FUT8: variants seen among roughly 807,000 people sequenced by gnomAD.
The protein encoded by FUT8 is alpha-(1,6)-fucosyltransferase.
Under a neutral mutation model 71.3 loss-of-function variants are expected in FUT8, and 29 were observed. The ratio of observed to expected loss-of-function variants is 0.41; its 90% confidence interval spans 0.30 to 0.55. The LOEUF (loss-of-function observed/expected upper bound fraction) is 0.55, where lower values mean the gene tolerates loss of function less well. Ranked by LOEUF, FUT8 falls within the 20% of genes least tolerant of loss-of-function variation. The pLI, the probability that FUT8 is intolerant of heterozygous loss-of-function variation, is 0.34. For missense variants in FUT8, 544 were observed against 702.1 expected (o/e 0.77, Z 2.55); for synonymous variants, 254 against 239.3 (o/e 1.06, Z -0.57).
the FUT8 span, among the ~76,000 whole-genome samples, chr14:65,384,257 T>A: frequency 2.0e-5 from 3 of 152,138 alleles, no homozygotes; most frequent in African/African-American, 4.8e-5. This position sits in a 1 kb window ranked among gnomAD's most constrained non-coding sequence, Gnocchi z 4.2. Flanking sequence ...AAAGGAAATT[T>A]ATTAATTTTG....
In FUT8 at chr14:65,516,050, A is replaced by G. The variant is rs536437542; in HGVS notation, c.-227-45287A>G. Among the ~76,000 whole-genome samples the G allele has an allele frequency of 9.9e-5, 15 of 152,212 alleles. No individual in the cohort carries two copies. In the East Asian group the frequency reaches 2.1e-3, roughly 22 times the overall value. ...GTGGTAATGTGTGCCTGTAGTCCCA[A>G]CTACTCTGGAGGCTGAGGTGGGAGG... is the stretch of plus-strand genomic sequence containing the variant. On this transcript the variant is annotated intron_variant, in intron 2 of 10. Transcript: ENST00000673929.
intron 3 of FUT8, among the ~76,000 whole-genome samples, chr14:65,606,135 C>T (rs1888575169): frequency 6.8e-6 from 1 of 146,014 alleles, no homozygotes; most frequent in African/African-American, 2.5e-5. Context: ...TGCAGTGGTG[C>T]GATCTCAGCT....
At chr14:65,485,804 CCT>C (rs1322018686) in intron 2 of FUT8, among the ~76,000 whole-genome samples, 4 of 152,206 alleles carry the variant, frequency 2.6e-5, no homozygotes, top group African/African-American at 9.7e-5. Context: ...TATCCACGCA[CCT>C]AGCTCCCCTT....
intron 1 of FUT8, among the ~76,000 whole-genome samples, chr14:65,454,400 G>A (rs1479954620): frequency 6.6e-6 from 1 of 152,204 alleles, no homozygotes; most frequent in East Asian, 1.9e-4. Flanking sequence ...GCTGAGGCAC[G>A]AGGATTACTT....
intron 8 of FUT8, among the ~76,000 whole-genome samples, chr14:65,722,659 A>G (rs190690144): frequency 7.2e-5 from 11 of 152,318 alleles, no homozygotes; most frequent in African/African-American, 1.7e-4. Flanking sequence ...CTTCATCTCT[A>G]TAGAGCCCAC....
chr14:65,395,557 G>A, the FUT8 span, among the ~76,000 whole-genome samples: 27 of 152,370 alleles, frequency 1.8e-4, no homozygotes, highest in African/African-American at 6.0e-4. Flanking sequence ...GCCATGGCCC[G>A]AGCCATACCT....
chr14:65,398,878 G>A, the FUT8 span, among the ~76,000 whole-genome samples: 7 of 152,170 alleles, frequency 4.6e-5, no homozygotes, highest in African/African-American at 1.7e-4. Flanking sequence ...AGTTCTTTTG[G>A]TGAGCAAAGT....
At chr14:65,644,844 C>G (rs1394570169) in intron 6 of FUT8, among the ~76,000 whole-genome samples, 1 of 152,062 alleles carries the variant, frequency 6.6e-6, no homozygotes, top group Admixed American at 6.6e-5. Flanking sequence ...ACATGGATAA[C>G]TCATATGTGA....
chr14:65,440,980 G>A (rs1478493918), intron 1 of FUT8, among the ~76,000 whole-genome samples: 1 of 152,008 alleles, frequency 6.6e-6, no homozygotes, highest in East Asian at 1.9e-4. Flanking sequence ...ATTCAAGCTA[G>A]CAAAACTAGA....
chr14:65,692,036 A>T (rs1893634272), intron 7 of FUT8, among the ~76,000 whole-genome samples: 1 of 151,898 alleles, frequency 6.6e-6, no homozygotes, highest in South Asian at 2.1e-4. Flanking sequence ...CCGATTTCTC[A>T]ATCTTTTCCC....
At chr14:65,361,521 C>T in the FUT8 span, among the ~76,000 whole-genome samples, 4 of 151,046 alleles carry the variant, frequency 2.6e-5, no homozygotes. Context: ...GGTGCGGTGG[C>T]TTGCACCTGT....
chr14:65,670,501 C>T (rs906675584), intron 7 of FUT8, among the ~76,000 whole-genome samples: 3 of 152,060 alleles, frequency 2.0e-5, no homozygotes, highest in Admixed American at 6.6e-5. Context: ...GTGACAGATA[C>T]TGAATTAAGT....
intron 6 of FUT8, chr14:65,636,744 T>G (rs1395030005): frequency 1.3e-5 from 2 of 152,156 alleles, no homozygotes; most frequent in African/African-American, 2.4e-5. Flanking sequence ...TTAACCTGTA[T>G]ATTGGTTTTA....
chr14:65,371,561 A>G, the FUT8 span, among the ~76,000 whole-genome samples: 1 of 152,180 alleles, frequency 6.6e-6, no homozygotes, highest in Non-Finnish European at 1.5e-5. Flanking sequence ...ATTATGAGGG[A>G]TTTACTTAGA....
chr14:65,418,271 CTGTCT>C (rs1202241039), intron 1 of FUT8, among the ~76,000 whole-genome samples: 1 of 152,080 alleles, frequency 6.6e-6, no homozygotes, highest in Middle Eastern at 3.2e-3. Flanking sequence ...ACCTGTGTAT[CTGTCT>C]AAGTCTTATT....
chr14:65,434,656 A>G (rs2065528279), intron 1 of FUT8, among the ~76,000 whole-genome samples: 1 of 152,252 alleles, frequency 6.6e-6, no homozygotes, highest in African/African-American at 2.4e-5. Context: ...TAAGAATTCA[A>G]AACTAAGAAT....
chr14:65,473,922 C>G (rs2066188510), intron 2 of FUT8, among the ~76,000 whole-genome samples: 1 of 152,100 alleles, frequency 6.6e-6, no homozygotes, highest in Non-Finnish European at 1.5e-5. Flanking sequence ...TTAAGCATTT[C>G]TATTCTATAC....
intron 1 of FUT8, among the ~76,000 whole-genome samples, chr14:65,445,556 A>G (rs1215869624): frequency 1.3e-5 from 2 of 152,126 alleles, no homozygotes; most frequent in Non-Finnish European, 1.5e-5. Flanking sequence ...ATGTGTTGAA[A>G]TTCATAGAAC....
intron 6 of FUT8, among the ~76,000 whole-genome samples, chr14:65,644,436 G>A (rs544650415): frequency 1.3e-4 from 19 of 151,828 alleles, no homozygotes; most frequent in South Asian, 4.2e-4. Flanking sequence ...GACTACAGGC[G>A]CCCACCACCG....
Sources: allele counts gnomAD v4.1 joint callset (sites outside exome capture counted in the v4.1 genomes callset), GRCh38; gene constraint gnomAD v4.1.1; non-coding constraint Gnocchi (gnomAD v3.1); transcripts MANE v1.5; gene names NCBI Gene and HGNC (gene_info 2026-07-23, HGNC 2026-07-21).